The following RPS6KC1 variants were observed in gnomAD, a reference collection of about 807,000 sequenced individuals.
RPS6KC1 encodes the protein inactive ribosomal protein S6 kinase delta-1.
Under a neutral mutation model 103.8 loss-of-function variants are expected in RPS6KC1, and 54 were observed. The observed-to-expected ratio is 0.52, with a 90% confidence interval of 0.42 to 0.65. The LOEUF (loss-of-function observed/expected upper bound fraction) is 0.65, where lower values mean the gene tolerates loss of function less well. Among genes scored for constraint, RPS6KC1 ranks in the 30% least tolerant of loss-of-function variants. The pLI, the probability that RPS6KC1 is intolerant of heterozygous loss-of-function variation, is 0.00. For missense variants in RPS6KC1, 1,151 were observed against 1,253.8 expected, an observed-to-expected ratio of 0.92 and a Z score of 1.24; for synonymous variants, 439 against 438.7, an observed-to-expected ratio of 1.00 and a Z score of -0.01.
At chr1:213,592,219 G>A in the RPS6KC1 span, among the ~76,000 whole-genome samples, 1 of 152,050 alleles carries the variant, frequency 6.6e-6, no homozygotes, top group East Asian at 1.9e-4. Context: ...AAAGAGGAAT[G>A]TGAAAAAGAA....
chr1:213,095,623 A>G (rs553025349), intron 3 of RPS6KC1, among the ~76,000 whole-genome samples: 1 of 152,318 alleles, frequency 6.6e-6, no homozygotes, highest in Admixed American at 6.5e-5. Flanking sequence ...ACACAGAAAT[A>G]TATAGGTATA....
the RPS6KC1 span, among the ~76,000 whole-genome samples, chr1:213,695,665 T>C: frequency 6.6e-6 from 1 of 152,280 alleles, no homozygotes; most frequent in South Asian, 2.1e-4. Flanking sequence ...CAGGTCCAGC[T>C]TTCAATAGGC....
At chr1:213,068,828 A>T (rs1440467372) in intron 1 of RPS6KC1, among the ~76,000 whole-genome samples, 2 of 151,274 alleles carry the variant, frequency 1.3e-5, no homozygotes, top group Non-Finnish European at 2.9e-5. Context: ...CCTGGGCAAC[A>T]TAGGGAGACC....
At chr1:213,441,200 AT>A in the RPS6KC1 span, among the ~76,000 whole-genome samples, 4 of 152,188 alleles carry the variant, frequency 2.6e-5, no homozygotes, top group Non-Finnish European at 5.9e-5. Flanking sequence ...AGTCTACGAA[AT>A]TCTCCTTAGC....
At chr1:213,575,823 T>C in the RPS6KC1 span, among the ~76,000 whole-genome samples, 2 of 152,110 alleles carry the variant, frequency 1.3e-5, no homozygotes, top group African/African-American at 4.8e-5. Flanking sequence ...TTCACTCCAT[T>C]CTACAGATAA....
the RPS6KC1 span, among the ~76,000 whole-genome samples, chr1:213,649,426 C>T: frequency 3.3e-5 from 5 of 152,200 alleles, no homozygotes; most frequent in East Asian, 5.8e-4. Context: ...TCCTCCACTC[C>T]GCCCCCACCT....
the RPS6KC1 span, among the ~76,000 whole-genome samples, chr1:213,382,438 C>G: frequency 6.6e-6 from 1 of 151,614 alleles, no homozygotes; most frequent in African/African-American, 2.4e-5. Flanking sequence ...TGAGTTTGGT[C>G]TTTTCAGCTG....
At chr1:213,678,687 G>A in the RPS6KC1 span, among the ~76,000 whole-genome samples, 1 of 152,202 alleles carries the variant, frequency 6.6e-6, no homozygotes, top group African/African-American at 2.4e-5. Flanking sequence ...TATTTTATAA[G>A]TGTCTTGGGC....
At chr1:213,326,590 C>T in the RPS6KC1 span, among the ~76,000 whole-genome samples, 1 of 152,204 alleles carries the variant, frequency 6.6e-6, no homozygotes, top group Non-Finnish European at 1.5e-5. Flanking sequence ...AATATGCTTC[C>T]CTTCCCTGTT....
chr1:213,375,026 TACAC>T, the RPS6KC1 span, among the ~76,000 whole-genome samples: 4 of 151,120 alleles, frequency 2.6e-5, no homozygotes, highest in African/African-American at 7.3e-5. Context: ...TACATACACA[TACAC>T]ACACATACAC....
chr1:213,258,749 G>A (rs1002714754), intron 12 of RPS6KC1, among the ~76,000 whole-genome samples: 3 of 152,198 alleles, frequency 2.0e-5, no homozygotes, highest in Non-Finnish European at 4.4e-5. Flanking sequence ...TTTTATGATA[G>A]AACTATGATA....
the RPS6KC1 span, among the ~76,000 whole-genome samples, chr1:213,433,789 A>C: frequency 1.3e-5 from 2 of 152,214 alleles, no homozygotes; most frequent in Admixed American, 6.5e-5. Flanking sequence ...CCCATTTAAA[A>C]AATTATTGTT....
the RPS6KC1 span, among the ~76,000 whole-genome samples, chr1:213,461,964 A>G: frequency 2.6e-5 from 4 of 152,232 alleles, no homozygotes; most frequent in Admixed American, 6.5e-5. Flanking sequence ...AAAAGAAACT[A>G]TCATCAGAAT....
At chr1:213,714,152 C>CTGA in the RPS6KC1 span, among the ~76,000 whole-genome samples, 3 of 152,188 alleles carry the variant, frequency 2.0e-5, no homozygotes, top group Non-Finnish European at 4.4e-5. Flanking sequence ...ATTTCTTGTG[C>CTGA]CTCAATAATG....
the RPS6KC1 span, among the ~76,000 whole-genome samples, chr1:213,540,871 A>C: frequency 6.6e-6 from 1 of 152,096 alleles, no homozygotes; most frequent in East Asian, 1.9e-4. Flanking sequence ...CAACATTCCT[A>C]GCATCTTAAC....
chr1:213,267,296 GA>G (rs939488641), intron 14 of RPS6KC1, among the ~76,000 whole-genome samples: 9 of 149,428 alleles, frequency 6.0e-5, no homozygotes, highest in Non-Finnish European at 1.2e-4. Context: ...ACTTTAAAAA[GA>G]AAAAAAAATG....
intron 10 of RPS6KC1, among the ~76,000 whole-genome samples, chr1:213,239,480 G>A (rs1319574148): frequency 6.6e-6 from 1 of 152,160 alleles, no homozygotes; most frequent in African/African-American, 2.4e-5. Context: ...CATGTCAGGT[G>A]CTATGTGTAT....
At chr1:213,185,678 G>T (rs2092491297) in intron 8 of RPS6KC1, among the ~76,000 whole-genome samples, 1 of 151,230 alleles carries the variant, frequency 6.6e-6, no homozygotes, top group Non-Finnish European at 1.5e-5. Flanking sequence ...TTTAAATTCA[G>T]TATTATTATT....
chr1:213,411,478 G>C, the RPS6KC1 span, among the ~76,000 whole-genome samples: 1 of 152,200 alleles, frequency 6.6e-6, no homozygotes, highest in Non-Finnish European at 1.5e-5. Context: ...TGCCAGGGTG[G>C]AGCGGGTGTT....
Sources: gnomAD v4.1 joint callset for allele counts (sites outside exome capture counted in the v4.1 genomes callset) on GRCh38, gnomAD v4.1.1 for gene constraint, MANE v1.5 for transcripts, NCBI Gene and HGNC (gene_info 2026-07-23, HGNC 2026-07-21) for gene names.